The following ELAPOR2 variants were observed in gnomAD, a reference collection of about 807,000 sequenced individuals.
ELAPOR2 encodes the protein endosome/lysosome-associated apoptosis and autophagy regulator family member 2.
Under a neutral mutation model 120.7 loss-of-function variants are expected in ELAPOR2, and 89 were observed. The observed-to-expected ratio is 0.74, with a 90% confidence interval of 0.62 to 0.88. The LOEUF is 0.88. Among genes scored for constraint, ELAPOR2 ranks in the 40% least tolerant of loss-of-function variants. The pLI, the probability that ELAPOR2 is intolerant of heterozygous loss-of-function variation, is 0.00. For synonymous variants in ELAPOR2, 444 were observed against 444.9 expected (o/e 1.00, Z 0.03); for missense variants, 1,134 against 1,251.6 (o/e 0.91, Z 1.42).
At chr7:86,969,231 A>G (rs1562949017) in intron 1 of ELAPOR2, among the ~76,000 whole-genome samples, 1 of 152,162 alleles carries the variant, frequency 6.6e-6, no homozygotes, top group Non-Finnish European at 1.5e-5. Context: ...TAAATACTGG[A>G]TGTCATGGTA....
chr7:86,962,418 T>C (rs1791750809), intron 2 of ELAPOR2, among the ~76,000 whole-genome samples: 1 of 152,228 alleles, frequency 6.6e-6, no homozygotes, highest in Admixed American at 6.5e-5. Flanking sequence ...TATTCGTCAC[T>C]TACTTGAAGT....
intron 19 of ELAPOR2, 90 bp downstream of exon 19, chr7:86,897,416 T>C: frequency 6.2e-6 from 9 of 1,444,274 alleles, no homozygotes; most frequent in Non-Finnish European, 8.4e-6. Flanking sequence ...TACAAGCTTT[T>C]GCCATACTTC....
In ELAPOR2 at chr7:86,940,075, G is replaced by T; in HGVS notation, c.782C>A (p.Thr261Asn). Residue 261 changes from threonine (T) to asparagine (N), a missense_variant, in exon 6 of 22, where the codon ACT (threonine) becomes AAT (asparagine). Coordinates refer to ENST00000450689, the MANE Select transcript of ELAPOR2 (RefSeq NM_001142749.3). ...CTTAGAACCCATAAGGATGCCTGTA[G>T]TTCTCCAGTAGAGTATGTTTGTGCC... ...KSGTNILYWR[T>N]TGILMGSKAV... The T allele has an allele frequency of 6.2e-7, 1 of 1,612,418 alleles. No homozygotes were observed. Among genetic ancestry groups the T allele is most frequent in the Non-Finnish European group, 8.5e-7 (1 of 1,178,906 alleles).
chr7:87,008,450 T>C (rs1793554174), intron 1 of ELAPOR2, among the ~76,000 whole-genome samples: 1 of 152,244 alleles, frequency 6.6e-6, no homozygotes, highest in Non-Finnish European at 1.5e-5. Flanking sequence ...AAAATTTGAA[T>C]AGGGACTACA....
chr7:87,006,069 A>G (rs927289413), intron 1 of ELAPOR2, among the ~76,000 whole-genome samples: 1 of 152,162 alleles, frequency 6.6e-6, no homozygotes, highest in African/African-American at 2.4e-5. Flanking sequence ...TCTACAATTC[A>G]ATTAAAAATT....
chr7:86,915,082 C>G (rs1789504937), intron 12 of ELAPOR2, among the ~76,000 whole-genome samples: 1 of 152,074 alleles, frequency 6.6e-6, no homozygotes, highest in Non-Finnish European at 1.5e-5. Flanking sequence ...GTTCATATAA[C>G]TTGAAAGAGG....
chr7:86,881,126 A>G lies in ELAPOR2; in HGVS notation c.3031-596T>C, dbSNP rs1367558023. Among the ~76,000 whole-genome samples the G allele has an allele frequency of 4.6e-5, 7 of 152,298 alleles. No homozygotes were observed. The East Asian group carries it at 1.4e-3, about 29-fold the overall frequency. On this transcript the variant is annotated intron_variant, in intron 21 of 21. Coordinates refer to ENST00000450689, the MANE Select transcript of ELAPOR2 (RefSeq NM_001142749.3). ...TGCTGGCATTATATAAAACATTCAA[A>G]ATGTAGACTATTAAAATAAATTAGT...
At chr7:86,915,843 G>C (rs1177875628) in intron 12 of ELAPOR2, among the ~76,000 whole-genome samples, 15 of 151,640 alleles carry the variant, frequency 9.9e-5, no homozygotes, top group East Asian at 1.9e-4. Flanking sequence ...AACAGAAAAT[G>C]CTCATCATAC....
chr7:86,943,972 C>G (rs926863212), intron 4 of ELAPOR2, among the ~76,000 whole-genome samples: 6 of 151,998 alleles, frequency 3.9e-5, no homozygotes, highest in Admixed American at 1.3e-4. Flanking sequence ...GGAACTAGAG[C>G]CAGAATCTCT....
chr7:86,882,952 C>T (rs1274349107), intron 21 of ELAPOR2, among the ~76,000 whole-genome samples: 2 of 152,026 alleles, frequency 1.3e-5, no homozygotes, highest in Non-Finnish European at 2.9e-5. Context: ...TTCCCTACTG[C>T]ACTCCCTTCT....
At chr7:86,936,477 T>C (rs369822741) in intron 8 of ELAPOR2, among the ~76,000 whole-genome samples, 13 of 152,124 alleles carry the variant, frequency 8.5e-5, no homozygotes, top group African/African-American at 2.9e-4. Flanking sequence ...ATTACATATA[T>C]TATTTCACTA....
chr7:87,032,510 C>T (rs571015991), intron 1 of ELAPOR2, among the ~76,000 whole-genome samples: 1 of 152,230 alleles, frequency 6.6e-6, no homozygotes, highest in African/African-American at 2.4e-5. Flanking sequence ...CAGAAAAAGG[C>T]CATCTGTTTT....
chr7:87,045,442 G>T (rs934660276), intron 1 of ELAPOR2, among the ~76,000 whole-genome samples: 3 of 151,120 alleles, frequency 2.0e-5, no homozygotes, highest in African/African-American at 4.9e-5. Flanking sequence ...AAAATGATGA[G>T]TTCGTGTCCT....
intron 19 of ELAPOR2, among the ~76,000 whole-genome samples, chr7:86,893,605 G>C (rs1034696693): frequency 6.6e-6 from 1 of 151,978 alleles, no homozygotes; most frequent in African/African-American, 2.4e-5. Flanking sequence ...CTAGACCTGG[G>C]ACATACAGGT....
chr7:86,902,281 A>ATTC (rs1788762103), intron 18 of ELAPOR2, among the ~76,000 whole-genome samples: 1 of 152,008 alleles, frequency 6.6e-6, no homozygotes, highest in African/African-American at 2.4e-5. Context: ...GGTTCAAGTG[A>ATTC]TTCTCCTGCC....
intron 1 of ELAPOR2, among the ~76,000 whole-genome samples, chr7:86,981,786 G>A (rs1170131948): frequency 6.6e-6 from 1 of 152,222 alleles, no homozygotes; most frequent in Non-Finnish European, 1.5e-5. Context: ...TAAGGTACCT[G>A]GTTCATCTCA....
chr7:87,041,876 G>A (rs1000050662), intron 1 of ELAPOR2, among the ~76,000 whole-genome samples: 2 of 151,846 alleles, frequency 1.3e-5, no homozygotes, highest in Non-Finnish European at 2.9e-5. Flanking sequence ...CATCTCACGT[G>A]CAGAGACACA....
chr7:87,006,574 A>C (rs1401830497), intron 1 of ELAPOR2, among the ~76,000 whole-genome samples: 1 of 152,206 alleles, frequency 6.6e-6, no homozygotes, highest in East Asian at 1.9e-4. Context: ...GATGTGGACA[A>C]GGATGTGAAG....
chr7:86,971,224 T>C (rs1467219854), intron 1 of ELAPOR2, among the ~76,000 whole-genome samples: 2 of 152,204 alleles, frequency 1.3e-5, no homozygotes, highest in African/African-American at 2.4e-5. Flanking sequence ...TTCCTTTGAA[T>C]CTTTGAAAGA....
Sources: allele counts gnomAD v4.1 joint callset (sites outside exome capture counted in the v4.1 genomes callset), GRCh38; gene constraint gnomAD v4.1.1; transcripts MANE v1.5; gene names NCBI Gene and HGNC (gene_info 2026-07-23, HGNC 2026-07-21).